The following CDH2 variants were observed in gnomAD, a reference collection of about 807,000 sequenced individuals.
CDH2 encodes cadherin 2.
A neutral mutation model predicts 92.0 loss-of-function variants in CDH2; 17 were observed. That is an observed-to-expected ratio of 0.18 (90% CI 0.13 to 0.28). The LOEUF (loss-of-function observed/expected upper bound fraction) is 0.28. Among genes scored for constraint, CDH2 ranks in the 10% least tolerant of loss-of-function variants. The pLI, the probability that CDH2 is intolerant of heterozygous loss-of-function variation, is 1.00. For missense variants in CDH2, 862 were observed against 1,133.1 expected (o/e 0.76, Z 3.44); for synonymous variants, 419 against 415.9 (o/e 1.01, Z -0.09).
chr18:27,964,836 C>T (rs2011497379), intron 14 of CDH2, among the ~76,000 whole-genome samples: 2 of 152,272 alleles, frequency 1.3e-5, no homozygotes, highest in South Asian at 4.1e-4. Context: ...CAAAGCCTGG[C>T]TCTCTTCACA....
In CDH2 at chr18:27,985,007, G is replaced by A. The variant is rs759232411; in HGVS notation, c.2202C>T (p.Ile734=). ...GACAATAAAAGTACTCACTAAGCAG[G>A]ATGATGATGCAGAGCAGGATGGCAA... ...AIIAILLCII[I]LLILVLMFVV... Residue 734 remains isoleucine (I), a synonymous_variant, in exon 13 of 16, where the codon ATC becomes ATT. Transcript: ENST00000269141. The A allele has an allele frequency of 1.9e-6, 3 of 1,610,592 alleles. No individual in the cohort carries two copies. The African/African-American group carries it at 4.0e-5, about 22-fold the overall frequency.
chr18:28,091,844 G>T (rs2015043307), intron 2 of CDH2, among the ~76,000 whole-genome samples: 1 of 151,978 alleles, frequency 6.6e-6, no homozygotes, highest in African/African-American at 2.4e-5. Context: ...TAGTTTGCTA[G>T]GGCTGCCATT....
Position 28,013,763 on chromosome 18 carries a change from G to T in CDH2, c.319C>A (p.Gln107Lys). 6.2e-7 allele frequency: 1 copy of T among 1,613,926 alleles called. No individual in the cohort carries two copies. The highest frequency in any genetic ancestry group is 8.5e-7 in the Non-Finnish European group (1 of 1,179,938). ...SEHAKFLIYA[Q>K]DKETQEKWQV... is the part of the protein sequence containing the mutation. Reference sequence around the variant, plus strand: ...CACTTTTCCTGGGTCTCTTTGTCTTGGGCATATATCAGGAACTTGGCATGC... The same window carrying T: ...CACTTTTCCTGGGTCTCTTTGTCTTTGGCATATATCAGGAACTTGGCATGC... Residue 107 changes from glutamine to lysine, a missense_variant, in exon 3 of 16, where the codon CAA (glutamine) becomes AAA (lysine). Coordinates refer to ENST00000269141, the MANE Select transcript of CDH2 (RefSeq NM_001792.5).
rs1362284644 is a variant in CDH2, at chr18:27,974,127, C to A, written c.2349+8817G>T. Among the ~76,000 whole-genome samples, 8 of 152,228 alleles carry A rather than the reference C, an allele frequency of 5.3e-5. No homozygotes were observed. In the East Asian group the frequency reaches 1.2e-3, roughly 22 times the overall value. On this transcript the variant is annotated intron_variant, in intron 14 of 15. Transcript: ENST00000269141. The stretch of plus-strand genomic sequence containing the variant: ...CTTCTCTCTCTCTTTTTTTCTCTCT[C>A]ATTTAAGCAATATAAAACTGTCTTA...
chr18:27,954,362 G>A (rs1909605998), intron 15 of CDH2, among the ~76,000 whole-genome samples: 1 of 152,154 alleles, frequency 6.6e-6, no homozygotes, highest in Admixed American at 6.5e-5. Context: ...GAGCCTCTCT[G>A]GGGTCAGGGT....
intron 2 of CDH2, among the ~76,000 whole-genome samples, chr18:28,070,973 TG>T (rs2014606492): frequency 1.3e-5 from 2 of 152,162 alleles, no homozygotes; most frequent in Non-Finnish European, 1.5e-5. Flanking sequence ...AGCATTGATA[TG>T]ATTTCATACC....
At chr18:28,155,914 T>C (rs960867197) in intron 1 of CDH2, among the ~76,000 whole-genome samples, 2 of 152,220 alleles carry the variant, frequency 1.3e-5, no homozygotes, top group East Asian at 1.9e-4. Flanking sequence ...ATGCCACTGA[T>C]GGCACTTTTG....
In CDH2 at chr18:28,013,921, A is replaced by G. The variant is rs771070709; in HGVS notation, c.173-12T>C. On this transcript the variant is annotated splice_polypyrimidine_tract_variant and intron_variant, in intron 2 of 15. Transcript: ENST00000269141. ...GTTGCTAAACTTCACTGTAAAAGAT[A>G]AGAAATAGGTCAGTTATTATAATTA... 1 of 1,592,864 alleles carries G rather than the reference A, an allele frequency of 6.3e-7. No individual in the cohort carries two copies. Among genetic ancestry groups the G allele is most frequent in the Non-Finnish European group, 8.6e-7 (1 of 1,165,252 alleles).
At chr18:27,968,590 G>C (rs2011584818) in intron 14 of CDH2, among the ~76,000 whole-genome samples, 1 of 152,128 alleles carries the variant, frequency 6.6e-6, no homozygotes, top group African/African-American at 2.4e-5. Flanking sequence ...GGAGGAGAGG[G>C]GTGGACACTT....
chr18:28,144,156 A>G (rs1467169376), intron 2 of CDH2, among the ~76,000 whole-genome samples: 1 of 151,878 alleles, frequency 6.6e-6, no homozygotes, highest in Admixed American at 6.6e-5. Flanking sequence ...CCAGAACTTA[A>G]AGTAAAATTA....
At chr18:28,054,056 C>A (rs548291428) in intron 2 of CDH2, among the ~76,000 whole-genome samples, 1 of 152,126 alleles carries the variant, frequency 6.6e-6, no homozygotes, top group Non-Finnish European at 1.5e-5. Flanking sequence ...AGAGAGCACA[C>A]AAACTTTGAA....
intron 2 of CDH2, among the ~76,000 whole-genome samples, chr18:28,129,600 G>A (rs2015732668): frequency 6.6e-6 from 1 of 152,134 alleles, no homozygotes; most frequent in South Asian, 2.1e-4. Flanking sequence ...GGCCAAGGTG[G>A]GAGGATTGCT....
chr18:28,006,991 G>A (rs535092014), intron 5 of CDH2, among the ~76,000 whole-genome samples: 2 of 150,884 alleles, frequency 1.3e-5, no homozygotes, highest in South Asian at 4.2e-4. Context: ...GGCCAACATG[G>A]TGAAAACCTG....
At chr18:28,103,804 A>G (rs1293114319) in intron 2 of CDH2, among the ~76,000 whole-genome samples, 1 of 152,114 alleles carries the variant, frequency 6.6e-6, no homozygotes, top group Admixed American at 6.6e-5. Flanking sequence ...TTCCAGCTTC[A>G]TCCATGTCCC....
At chr18:28,004,104 C>T (rs375437296) in intron 6 of CDH2, among the ~76,000 whole-genome samples, 13 of 152,272 alleles carry the variant, frequency 8.5e-5, no homozygotes, top group South Asian at 8.3e-4. Flanking sequence ...TCCCTTTAAA[C>T]GATTTACCTA....
intron 14 of CDH2, among the ~76,000 whole-genome samples, chr18:27,965,502 G>A (rs1489388436): frequency 6.6e-6 from 1 of 152,344 alleles, no homozygotes; most frequent in South Asian, 2.1e-4. Context: ...TCCACAGCAG[G>A]AGCAAAGGCA....
chr18:28,136,997 T>C (rs1450743017), intron 2 of CDH2, among the ~76,000 whole-genome samples: 1 of 152,116 alleles, frequency 6.6e-6, no homozygotes, highest in African/African-American at 2.4e-5. Context: ...CATGAGGACT[T>C]TGAGTTATTT....
intron 1 of CDH2, among the ~76,000 whole-genome samples, chr18:28,164,789 A>G (rs1568023867): frequency 6.6e-6 from 1 of 152,228 alleles, no homozygotes; most frequent in East Asian, 1.9e-4. Flanking sequence ...CCTATCTGAT[A>G]TACCTGTTGT....
intron 4 of CDH2, 102 bp from the exon 5 acceptor site, chr18:28,009,974 A>C: frequency 1.2e-6 from 1 of 819,254 alleles, no homozygotes; most frequent in Non-Finnish European, 1.8e-6. Flanking sequence ...CTACAAACTT[A>C]TACCATCTCT....
Sources: allele counts gnomAD v4.1 joint callset (sites outside exome capture counted in the v4.1 genomes callset), GRCh38; gene constraint gnomAD v4.1.1; transcripts MANE v1.5; gene names NCBI Gene and HGNC (gene_info 2026-07-23, HGNC 2026-07-21).